The following TEX14 variants were observed in gnomAD, a reference collection of about 807,000 sequenced individuals.
TEX14 encodes the protein inactive serine/threonine-protein kinase TEX14.
A neutral mutation model predicts 178.6 loss-of-function variants in TEX14; 168 were observed. The observed-to-expected ratio is 0.94, with a 90% CI of 0.83 to 1.07. The LOEUF (loss-of-function observed/expected upper bound fraction) is 1.07. Among genes scored for constraint, TEX14 ranks in the 50% least tolerant of loss-of-function variants. The probability of loss-of-function intolerance (pLI) is 0.00; values close to 1 mark genes in which losing one functional copy is unlikely to be tolerated. For synonymous variants in TEX14, 626 were observed against 634.1 expected (o/e 0.99, Z 0.19); for missense variants, 1,730 against 1,753.6 (o/e 0.99, Z 0.24).
intron 1 of TEX14, among the ~76,000 whole-genome samples, chr17:58,674,044 C>T (rs531176092): frequency 1.3e-5 from 2 of 152,036 alleles, no homozygotes; most frequent in Admixed American, 1.3e-4. Flanking sequence ...GAGGCCAAGG[C>T]GGGCAGATTG....
intron 2 of TEX14, among the ~76,000 whole-genome samples, chr17:58,642,952 C>G (rs967365739): frequency 6.6e-6 from 1 of 152,142 alleles, no homozygotes; most frequent in African/African-American, 2.4e-5. Context: ...TTGTATGGGC[C>G]TCTACATAGC....
At chr17:58,608,663 A>T (rs1270016870) in intron 10 of TEX14, among the ~76,000 whole-genome samples, 1 of 152,258 alleles carries the variant, frequency 6.6e-6, no homozygotes, top group African/African-American at 2.4e-5. Context: ...GCACAGACAC[A>T]CTTGTATAAA....
chr17:58,676,255 A>G (rs1212875492), intron 1 of TEX14, among the ~76,000 whole-genome samples: 2 of 152,156 alleles, frequency 1.3e-5, no homozygotes, highest in Non-Finnish European at 2.9e-5. Flanking sequence ...AGGTGCCTGT[A>G]ATCCCAGCTA....
At chr17:58,562,041 C>T (rs1180075651) in intron 28 of TEX14, among the ~76,000 whole-genome samples, 1 of 151,996 alleles carries the variant, frequency 6.6e-6, no homozygotes, top group East Asian at 1.9e-4. Context: ...GCCGAGATCA[C>T]GCGACTGCAC....
At chr17:58,659,168 A>C (rs933989508) in intron 1 of TEX14, among the ~76,000 whole-genome samples, 26 of 151,380 alleles carry the variant, frequency 1.7e-4, no homozygotes, top group African/African-American at 6.3e-4. Flanking sequence ...GCGCAAAAGC[A>C]GTCCCCCACT....
intron 2 of TEX14, among the ~76,000 whole-genome samples, chr17:58,646,993 C>T (rs1280855864): frequency 6.6e-6 from 1 of 151,738 alleles, no homozygotes; most frequent in Non-Finnish European, 1.5e-5. Context: ...GCATCCTCCA[C>T]CTCCAGAGTT....
chr17:58,580,703 A>G (rs938700366), intron 19 of TEX14, among the ~76,000 whole-genome samples: 25 of 152,180 alleles, frequency 1.6e-4, no homozygotes, highest in African/African-American at 5.6e-4. Context: ...AGATCCCAAA[A>G]AGGTGCCAGG....
At chr17:58,620,072 A>C (rs2045963251) in intron 5 of TEX14, among the ~76,000 whole-genome samples, 1 of 152,140 alleles carries the variant, frequency 6.6e-6, no homozygotes, top group African/African-American at 2.4e-5. Flanking sequence ...CTTGGAATTC[A>C]CAATTTAATT....
intron 20 of TEX14, 45 bp downstream of exon 20, chr17:58,579,620 T>C (rs745868788): frequency 6.6e-7 from 1 of 1,516,616 alleles, no homozygotes; most frequent in Non-Finnish European, 9.2e-7. Flanking sequence ...CAGAAGAAAT[T>C]TAAGGGAAGT....
At chr17:58,643,473 CA>C (rs1422156358) in intron 2 of TEX14, among the ~76,000 whole-genome samples, 5 of 151,904 alleles carry the variant, frequency 3.3e-5, no homozygotes, top group Non-Finnish European at 7.4e-5. Context: ...TTGCTCAAAA[CA>C]AAAACCTAGC....
chr17:58,619,550 G>A (rs2045949683), intron 5 of TEX14, among the ~76,000 whole-genome samples: 1 of 152,176 alleles, frequency 6.6e-6, no homozygotes, highest in Non-Finnish European at 1.5e-5. Flanking sequence ...GCTCACGCCT[G>A]TAATCCCAGC....
At position 58,569,365 on chromosome 17, in the gene TEX14, T is replaced by C. The variant is rs2044471677; in HGVS notation, c.3818-105A>G. ...AGACTTGACTGAGGATTTCTCTCAATGATGAAACAAACTAAGGAGGAAGGA... is the reference window on the plus strand; with the variant it reads ...AGACTTGACTGAGGATTTCTCTCAACGATGAAACAAACTAAGGAGGAAGGA... On this transcript the variant is annotated intron_variant, in intron 25 of 31. Transcript: ENST00000349033. The surrounding 1 kb of genome is among the most constrained non-coding windows in gnomAD (Gnocchi z 4.1). 2.4e-6 allele frequency: 2 copies of C among 823,368 alleles called. No homozygotes were observed. The highest frequency in any genetic ancestry group is 1.7e-5 in the African/African-American group (1 of 58,488). The allele number at this position is 823,368 out of a possible 1,614,324, so 51.0% of individuals were successfully genotyped here.
intron 1 of TEX14, among the ~76,000 whole-genome samples, chr17:58,664,022 CCT>C (rs1192108109): frequency 2.0e-5 from 3 of 152,070 alleles, no homozygotes; most frequent in African/African-American, 7.2e-5. Flanking sequence ...AGAGTGAGAC[CCT>C]GTCTTAACCG....
At chr17:58,559,849 A>C (rs2044237439) in intron 29 of TEX14, among the ~76,000 whole-genome samples, 1 of 152,224 alleles carries the variant, frequency 6.6e-6, no homozygotes, top group South Asian at 2.1e-4. Flanking sequence ...TCCTAGAGCT[A>C]GACTCTGACC....
At chr17:58,623,302 T>C (rs2046047714) in intron 3 of TEX14, among the ~76,000 whole-genome samples, 1 of 152,106 alleles carries the variant, frequency 6.6e-6, no homozygotes, top group Non-Finnish European at 1.5e-5. Context: ...AAGCTGAGGT[T>C]CATTCCCAGG....
intron 1 of TEX14, among the ~76,000 whole-genome samples, chr17:58,685,996 C>CAAAAAAAAAAAA (rs34156664): frequency 1.2e-5 from 1 of 82,604 alleles, no homozygotes; most frequent in Non-Finnish European, 2.2e-5. Context: ...CTCTGTCTCA[C>CAAAAAAAAAAAA]AAAAAAAAAA....
intron 2 of TEX14, 65 bp from the exon 3 acceptor site, chr17:58,630,619 G>A: frequency 9.1e-7 from 1 of 1,100,706 alleles, no homozygotes; most frequent in South Asian, 1.3e-5. Flanking sequence ...ACTGGGTAGG[G>A]GGTGGGGGAA....
At position 58,584,746 on chromosome 17, in the gene TEX14, TAG is replaced by T. The variant is rs2044911558; in HGVS notation, c.3071-148_3071-147del. 4 of 651,750 alleles carry T rather than the reference TAG, an allele frequency of 6.1e-6. No individual in the cohort carries two copies. The African/African-American group carries it at 7.2e-5, about 12-fold the overall frequency. 40.4% of individuals were successfully genotyped at this position (651,750 alleles called of 1,614,324 possible). ...CATACGTTAGGTTCAGTCCAGAGAG[TAG>T]AGACTGTTAGTTTAGCCTGACCCCA... is the stretch of plus-strand genomic sequence containing the variant. On this transcript the variant is annotated intron_variant, in intron 18 of 31. Transcript: ENST00000349033.
Position 58,559,558 on chromosome 17 carries a change from T to A in TEX14, c.4162A>T (p.Thr1388Ser). 6.8e-7 allele frequency: 1 copy of A among 1,471,368 alleles called. No homozygotes were observed. Among genetic ancestry groups the A allele is most frequent in the Non-Finnish European group, 9.5e-7 (1 of 1,052,818 alleles). 91.1% of individuals were successfully genotyped at this position (1,471,368 alleles called of 1,614,324 possible). A position where few individuals can be genotyped will look rare whatever the true frequency, so the allele number is the denominator to read the frequency against. ...CCAACTTTTTGATCTTTGATATTTGTCTCCCTGTAACAACAATTATTTGGG... is the reference window on the plus strand; with the variant it reads ...CCAACTTTTTGATCTTTGATATTTGACTCCCTGTAACAACAATTATTTGGG... Reference protein sequence around the residue: ...QDLPKGSERETNIKDQKVGEE... With the variant: ...QDLPKGSERESNIKDQKVGEE... The change falls in exon 30 of 32, where the codon ACA becomes TCA. Residue 1388 changes from threonine (T) to serine (S), a missense_variant. By Grantham distance (58) the Thr-to-Ser change is moderately conservative. This residue lies in a region of TEX14 where 941 missense variants were observed against 1,072.4 expected (regional missense o/e 0.88). Transcript: ENST00000349033.
Sources: allele counts gnomAD v4.1 joint callset (sites outside exome capture counted in the v4.1 genomes callset), GRCh38; gene constraint gnomAD v4.1.1; regional missense constraint gnomAD v4.1.1; non-coding constraint Gnocchi (gnomAD v3.1); transcripts MANE v1.5; gene names NCBI Gene and HGNC (gene_info 2026-07-23, HGNC 2026-07-21).